NUMA1: variants seen among roughly 807,000 people sequenced by gnomAD.
The protein encoded by NUMA1 is nuclear mitotic apparatus protein 1.
NUMA1 carries 62 observed loss-of-function variants against 237.1 expected under a neutral mutation model. The ratio of observed to expected loss-of-function variants is 0.26; its 90% confidence interval spans 0.21 to 0.32. The LOEUF (loss-of-function observed/expected upper bound fraction) is 0.32, where lower values mean the gene tolerates loss of function less well. NUMA1 is among the 10% of genes least tolerant of loss of function. The pLI is 1.00. For synonymous variants in NUMA1, 1,028 were observed against 1,066.1 expected (o/e 0.96, Z 0.70); for missense variants, 2,533 against 2,666.5 (o/e 0.95, Z 1.10).
chr11:72,055,053 T>C (rs1435935450), intron 2 of NUMA1, among the ~76,000 whole-genome samples: 1 of 152,004 alleles, frequency 6.6e-6, no homozygotes, highest in Non-Finnish European at 1.5e-5. Context: ...ATTTTTGTTT[T>C]GGGAGAATTT....
At chr11:72,071,456 A>C (rs982907506) in intron 1 of NUMA1, among the ~76,000 whole-genome samples, 8 of 152,246 alleles carry the variant, frequency 5.3e-5, no homozygotes, top group Non-Finnish European at 7.3e-5. Context: ...CAGATTAAAA[A>C]AGAACTGTTC....
At position 72,005,266 on chromosome 11, in the gene NUMA1, TGGG is replaced by T; in HGVS notation, c.5793_5795del (p.Pro1932del). On this transcript the variant is annotated inframe_deletion, in exon 23 of 27. Coordinates refer to ENST00000393695, the MANE Select transcript of NUMA1 (RefSeq NM_006185.4). ...CCAGGGGATAGCAGGTCTTCAGATG[TGGG>T]GGGCACACTCGATTGCGCTGCTGCA... is the stretch of plus-strand genomic sequence containing the variant. 1 of 1,605,304 alleles carries T rather than the reference TGGG, an allele frequency of 6.2e-7. No individual in the cohort carries two copies. The highest frequency in any genetic ancestry group is 8.5e-7 in the Non-Finnish European group (1 of 1,176,280).
intron 20 of NUMA1, chr11:72,008,404 C>T (rs1341725252): frequency 8.7e-6 from 4 of 458,002 alleles, no homozygotes; most frequent in African/African-American, 5.9e-5. Flanking sequence ...CTTAGTCAGG[C>T]TCTTTCACAG....
intron 4 of NUMA1, 136 bp from the exon 5 acceptor site, chr11:72,024,489 A>C: frequency 1.3e-6 from 1 of 769,256 alleles, no homozygotes; most frequent in African/African-American, 1.7e-5. Flanking sequence ...CAGATCCTGG[A>C]GGCAGGTGAC....
intron 25 of NUMA1, 56 bp downstream of exon 25, chr11:72,004,169 C>G (rs2845857): frequency 0.92 from 1,479,164 of 1,606,442 alleles, 684,014 homozygotes; most frequent in Non-Finnish European, 0.95. Flanking sequence ...GTGCCACGCT[C>G]TATCAGCAAG....
chr11:72,059,836 T>C (rs1942848082), intron 2 of NUMA1, among the ~76,000 whole-genome samples: 1 of 152,202 alleles, frequency 6.6e-6, no homozygotes, highest in African/African-American at 2.4e-5. Flanking sequence ...CATCTAAAAC[T>C]GTGTACTAGT....
At chr11:72,076,095 T>C (rs1051998191) in intron 1 of NUMA1, among the ~76,000 whole-genome samples, 5 of 152,342 alleles carry the variant, frequency 3.3e-5, no homozygotes, top group Non-Finnish European at 7.3e-5. Flanking sequence ...CAAAACAGGC[T>C]GGGTGAAGTG....
At chr11:72,005,624 C>T (rs1435540905) in intron 22 of NUMA1, 2 of 521,612 alleles carry the variant, frequency 3.8e-6, no homozygotes, top group South Asian at 2.7e-5. Context: ...ACTCACCTGC[C>T]AAGGCTTGGT....
chr11:72,015,103 C>T lies in NUMA1; in HGVS notation c.2400G>A (p.Glu800=). The T allele has an allele frequency of 1.2e-6, 2 of 1,613,812 alleles. No homozygotes were observed. The highest frequency in any genetic ancestry group is 1.1e-5 in the South Asian group (1 of 91,090). Residue 800 remains glutamate, a synonymous_variant, in exon 15 of 27, where the codon GAG becomes GAA. Transcript: ENST00000393695. This position sits in a 1 kb window ranked among gnomAD's most constrained non-coding sequence, Gnocchi z 4.0. ...CTTTGACGAGCTGCTCACACTCACT[C>T]TCAGCTGTGTGCTGGGCAGCCATGG... ...AEAMAAQHTA[E]SECEQLVKEV... is the part of the protein sequence containing the mutation.
At chr11:72,024,594 G>A in intron 4 of NUMA1, 1 of 520,820 alleles carries the variant, frequency 1.9e-6, no homozygotes, top group South Asian at 2.1e-5. Context: ...ATGGCACTCT[G>A]CCACCCTATT....
chr11:72,004,670 T>C lies in NUMA1; in HGVS notation c.5976A>G (p.Leu1992=). ...TTRQQRKRVS[L]EPHQGPGTPE... Reference sequence around the variant, plus strand: ...GAGTTCCAGGGCCCTGGTGGGGCTCTAGGGAGACCCGTTTGCGCTGCTGCC... The same window carrying C: ...GAGTTCCAGGGCCCTGGTGGGGCTCCAGGGAGACCCGTTTGCGCTGCTGCC... Residue 1992 remains leucine, a synonymous_variant, in exon 24 of 27, where the codon CTA becomes CTG. Transcript: ENST00000393695. 6.2e-7 allele frequency: 1 copy of C among 1,613,160 alleles called. No homozygotes were observed. Among genetic ancestry groups the C allele is most frequent in the Non-Finnish European group, 8.5e-7 (1 of 1,179,910 alleles).
rs771167865 is a variant in NUMA1 at position 72,012,354 on chromosome 11, G to A, written c.4650+47C>T. Reference sequence around the variant, plus strand: ...GCAGCCGGGCTCATGCACCAAGACTGGTCACCGTTTAAGCAGCCAGCATTT... The same window carrying A: ...GCAGCCGGGCTCATGCACCAAGACTAGTCACCGTTTAAGCAGCCAGCATTT... On this transcript the variant is annotated intron_variant, in intron 16 of 26. Coordinates refer to ENST00000393695, the MANE Select transcript of NUMA1 (RefSeq NM_006185.4). 7.5e-6 allele frequency: 12 copies of A among 1,594,380 alleles called. No individual in the cohort carries two copies. The East Asian group carries it at 2.5e-4, about 33-fold the overall frequency.
At position 72,004,086 on chromosome 11, in the gene NUMA1, T is replaced by C; in HGVS notation, c.6137A>G (p.Gln2046Arg). Residue 2046 changes from glutamine (Q) to arginine (R), a missense_variant, in exon 26 of 27, where the codon CAG becomes CGG. Coordinates refer to ENST00000393695, the MANE Select transcript of NUMA1 (RefSeq NM_006185.4). ...PASTKQADRR[Q>R]SMAFSILNTP... ...GTTGAGGATGCTGAAGGCCATCGAC[T>C]GGCGCCGGTCAGCCTGCAAGGAAGG... 1 of 1,613,038 alleles carries C rather than the reference T, an allele frequency of 6.2e-7. No homozygotes were observed. Among genetic ancestry groups the C allele is most frequent in the Non-Finnish European group, 8.5e-7 (1 of 1,179,648 alleles).
chr11:72,078,745 T>C (rs1943837851), intron 1 of NUMA1, among the ~76,000 whole-genome samples: 1 of 152,276 alleles, frequency 6.6e-6, no homozygotes, highest in South Asian at 2.1e-4. Context: ...TATGTGGTTC[T>C]TCCTCTAAAG....
intron 2 of NUMA1, among the ~76,000 whole-genome samples, chr11:72,056,734 A>ACAG (rs1942676664): frequency 6.6e-6 from 1 of 151,272 alleles, no homozygotes; most frequent in African/African-American, 2.4e-5. Flanking sequence ...AATTTCTCAA[A>ACAG]CAGTAGCTAC....
At chr11:72,049,477 G>A (rs1208460183) in intron 2 of NUMA1, 1 of 147,954 alleles carries the variant, frequency 6.8e-6, no homozygotes, top group Non-Finnish European at 1.5e-5. Flanking sequence ...TGGAGGCCAA[G>A]ATGGGAGGAT....
intron 2 of NUMA1, among the ~76,000 whole-genome samples, chr11:72,052,080 G>A (rs1464936380): frequency 1.3e-5 from 2 of 152,178 alleles, no homozygotes; most frequent in African/African-American, 4.8e-5. Context: ...AAACTGCACT[G>A]CCAGGGCAGG....
At chr11:72,068,376 T>G (rs1218707198) in intron 2 of NUMA1, 2 of 152,346 alleles carry the variant, frequency 1.3e-5, no homozygotes, top group African/African-American at 4.8e-5. Context: ...TCCTAGCACT[T>G]TGGGCGGCCA....
At chr11:72,036,485 T>C (rs150990544) in intron 2 of NUMA1, among the ~76,000 whole-genome samples, 374 of 152,304 alleles carry the variant, frequency 2.5e-3, no homozygotes, top group Middle Eastern at 0.01. Context: ...ACATGGTAGG[T>C]TGTCAATAAA....
Sources: allele counts gnomAD v4.1 joint callset (sites outside exome capture counted in the v4.1 genomes callset), GRCh38; gene constraint gnomAD v4.1.1; non-coding constraint Gnocchi (gnomAD v3.1); transcripts MANE v1.5; gene names NCBI Gene and HGNC (gene_info 2026-07-23, HGNC 2026-07-21).